The following FAM13A variants were observed in gnomAD, a reference collection of about 807,000 sequenced individuals.
FAM13A encodes the protein family with sequence similarity 13 member A.
FAM13A carries 76 observed loss-of-function variants against 129.6 expected under a neutral mutation model. The ratio of observed to expected loss-of-function variants is 0.59; its 90% CI spans 0.49 to 0.71. FAM13A has a LOEUF of 0.71. FAM13A is among the 30% of genes least tolerant of loss of function. The pLI, the probability that FAM13A is intolerant of heterozygous loss-of-function variation, is 0.00. For synonymous variants in FAM13A, 443 were observed against 449.9 expected, an observed-to-expected ratio of 0.98 and a Z score of 0.20; for missense variants, 1,108 against 1,249.3, an observed-to-expected ratio of 0.89 and a Z score of 1.70.
intron 5 of FAM13A, among the ~76,000 whole-genome samples, chr4:88,917,422 C>T (rs778312670): frequency 5.9e-5 from 9 of 152,136 alleles, no homozygotes; most frequent in African/African-American, 9.7e-5. Context: ...CCACCTCCAA[C>T]GCTGAGGACC....
At chr4:88,732,761 A>G (rs1487082500) in intron 21 of FAM13A, among the ~76,000 whole-genome samples, 28 of 152,040 alleles carry the variant, frequency 1.8e-4, no homozygotes, top group Admixed American at 1.8e-3. Context: ...AGACTGAAAG[A>G]TATTATATTC....
chr4:88,923,275 T>C (rs955507723), intron 5 of FAM13A, among the ~76,000 whole-genome samples: 4 of 152,190 alleles, frequency 2.6e-5, no homozygotes, highest in African/African-American at 7.2e-5. Context: ...ACCAATATCC[T>C]TGATGAACAT....
rs28754689 is a variant in FAM13A, at chr4:88,917,391, C to A, written c.760-10929G>T. Among the ~76,000 whole-genome samples the A allele has an allele frequency of 7.4e-3, 1,124 of 152,008 alleles. 19 individuals are homozygous for A. The highest frequency in any genetic ancestry group is 0.025 in the African/African-American group (1,052 of 41,450). On this transcript the variant is annotated intron_variant, in intron 5 of 23. Transcript: ENST00000264344. Reference sequence around the variant, plus strand: ...TTCACGAGGAATCCACCCCCATGACCCAAACACCCCCCATTAGGTCCCACC... The same window carrying A: ...TTCACGAGGAATCCACCCCCATGACACAAACACCCCCCATTAGGTCCCACC...
At chr4:89,047,296 T>C (rs1028288413) in intron 1 of FAM13A, among the ~76,000 whole-genome samples, 3 of 152,166 alleles carry the variant, frequency 2.0e-5, no homozygotes, top group Non-Finnish European at 4.4e-5. Flanking sequence ...AAATCTTGAA[T>C]AATGCTTATT....
rs1430223893 is a variant in FAM13A at position 88,747,812 on chromosome 4, C to T, written c.2201G>A (p.Arg734Lys). 8 of 1,614,016 alleles carry T rather than the reference C, an allele frequency of 5.0e-6. No homozygotes were observed. Among genetic ancestry groups the T allele is most frequent in the African/African-American group, 1.3e-5 (1 of 74,930 alleles). ...GAGTGTGTTGCTTCGCTGCCGCATC[C>T]TGGGAGTTAGGTCCTCTTCAGATAT... ...LKISEEDLTPRMRQRSNTLPK... is the reference protein window; with the variant it reads ...LKISEEDLTPKMRQRSNTLPK... The change falls in exon 18 of 24, where the codon AGG becomes AAG. Residue 734 changes from arginine (R) to lysine (K), a missense_variant. Arg to Lys is a conservative substitution (Grantham distance 26). This residue lies in a region of FAM13A where 529 missense variants were observed against 621.2 expected (regional missense o/e 0.85). Transcript: ENST00000264344.
intron 4 of FAM13A, 131 bp from the exon 5 acceptor site, chr4:88,938,372 T>A: frequency 1.6e-6 from 1 of 643,618 alleles, no homozygotes; most frequent in Non-Finnish European, 2.5e-6. Context: ...TTCAACAAGC[T>A]CTTTGGTAAC....
intron 6 of FAM13A, among the ~76,000 whole-genome samples, chr4:88,852,160 CTTT>C (rs369275871): frequency 4.3e-5 from 6 of 138,126 alleles, no homozygotes; most frequent in Admixed American, 7.3e-5. Context: ...AACTTCAGGT[CTTT>C]TTTTTTTTTT....
At chr4:88,977,633 T>C (rs1178950577) in intron 4 of FAM13A, among the ~76,000 whole-genome samples, 1 of 152,202 alleles carries the variant, frequency 6.6e-6, no homozygotes, top group Non-Finnish European at 1.5e-5. Flanking sequence ...CCACATATAT[T>C]ACAATCAAGC....
intron 4 of FAM13A, among the ~76,000 whole-genome samples, chr4:88,939,438 C>G (rs2148818940): frequency 6.6e-6 from 1 of 152,246 alleles, no homozygotes; most frequent in African/African-American, 2.4e-5. Flanking sequence ...CTCCCCTATC[C>G]CTCAAAAATT....
intron 5 of FAM13A, among the ~76,000 whole-genome samples, chr4:88,920,213 G>T (rs2464519): frequency 1.3e-5 from 2 of 151,732 alleles, no homozygotes; most frequent in Non-Finnish European, 2.9e-5. Context: ...TCCCAGCACG[G>T]AGCTGGAGAT....
chr4:88,793,614 G>T (rs1209571349), intron 8 of FAM13A, among the ~76,000 whole-genome samples: 1 of 151,918 alleles, frequency 6.6e-6, no homozygotes, highest in African/African-American at 2.4e-5. Context: ...TCACTGGCAG[G>T]TTGTTGGTTA....
chr4:88,875,843 T>C (rs951130169), intron 6 of FAM13A, among the ~76,000 whole-genome samples: 9 of 152,192 alleles, frequency 5.9e-5, no homozygotes, highest in African/African-American at 2.2e-4. Context: ...CTTGCACACG[T>C]ATGTTTATTG....
intron 5 of FAM13A, among the ~76,000 whole-genome samples, chr4:88,915,320 A>G (rs772566160): frequency 1.3e-5 from 2 of 152,218 alleles, no homozygotes; most frequent in Non-Finnish European, 2.9e-5. Flanking sequence ...TACATTAATG[A>G]AAGGAATAAA....
At position 88,817,960 on chromosome 4, in the gene FAM13A, A is replaced by G. The variant is rs527977022; in HGVS notation, c.1008-12908T>C. 9.3e-4 allele frequency among the ~76,000 whole-genome samples: 142 copies of G among 152,226 alleles called. 1 individual carries two copies. The highest frequency in any genetic ancestry group is 1.6e-3 in the Non-Finnish European group (108 of 67,986). On this transcript the variant is annotated intron_variant, in intron 7 of 23. Transcript: ENST00000264344. ...TTTCATCATTTACAAAACAAACAAAACAAAACCCACAAAACCAAAACTATC... is the reference window on the plus strand; with the variant it reads ...TTTCATCATTTACAAAACAAACAAAGCAAAACCCACAAAACCAAAACTATC...
intron 7 of FAM13A, among the ~76,000 whole-genome samples, chr4:88,822,565 G>C (rs1231975150): frequency 6.6e-6 from 1 of 152,108 alleles, no homozygotes; most frequent in Non-Finnish European, 1.5e-5. Context: ...CAGAAGAGAA[G>C]AATCTTGTGA....
At chr4:88,814,751 T>C (rs948581747) in intron 7 of FAM13A, among the ~76,000 whole-genome samples, 5 of 152,180 alleles carry the variant, frequency 3.3e-5, no homozygotes, top group African/African-American at 1.2e-4. Flanking sequence ...TTAATTTTTT[T>C]CTCTAGCCTT....
chr4:88,787,744 C>A lies in FAM13A; in HGVS notation c.1271+9G>T. On this transcript the variant is annotated intron_variant, in intron 10 of 23. Coordinates refer to ENST00000264344, the MANE Select transcript of FAM13A (RefSeq NM_014883.4). ...ACTCAAGTAAGAGGAAGAATCAATG[C>A]CAACTCACTTGTCTCTCCCATGTCG... 3 of 1,608,394 alleles carry A rather than the reference C, an allele frequency of 1.9e-6. No individual in the cohort carries two copies. Among genetic ancestry groups the A allele is most frequent in the Non-Finnish European group, 2.5e-6 (3 of 1,177,864 alleles).
rs1769829175 is a variant in FAM13A, at chr4:89,039,547, T to C, written c.28-9898A>G. On this transcript the variant is annotated intron_variant, in intron 1 of 23. Transcript: ENST00000264344. ...AAGAATTATGTGGGAACTTTGTACT[T>C]CCTAGTCATTTTCTGTAAATGTAAA... Among the ~76,000 whole-genome samples, 3 of 152,308 alleles carry C rather than the reference T, an allele frequency of 2.0e-5. 1 individual carries two copies. Among genetic ancestry groups the C allele is most frequent in the Admixed American group, 2.0e-4 (3 of 15,290 alleles).
chr4:88,856,526 C>A (rs1218012112), intron 6 of FAM13A, among the ~76,000 whole-genome samples: 1 of 151,992 alleles, frequency 6.6e-6, no homozygotes, highest in Non-Finnish European at 1.5e-5. Context: ...AACCAAAAAA[C>A]CCCAAAAAAA....
Sources: gnomAD v4.1 joint callset for allele counts (sites outside exome capture counted in the v4.1 genomes callset) on GRCh38, gnomAD v4.1.1 for gene constraint, gnomAD v4.1.1 regional missense constraint, MANE v1.5 for transcripts, NCBI Gene and HGNC (gene_info 2026-07-23, HGNC 2026-07-21) for gene names.